Variants in LAPTM5 observed in about 807,000 individuals in gnomAD.
LAPTM5 encodes the protein lysosomal-associated transmembrane protein 5.
LAPTM5 carries 11 observed loss-of-function variants against 30.1 expected under a neutral mutation model. That is an observed-to-expected ratio of 0.37 (90% confidence interval 0.23 to 0.60). The LOEUF is 0.60. Among genes scored for constraint, LAPTM5 ranks in the 20% least tolerant of loss-of-function variants. LAPTM5 has a pLI of 0.71. For missense variants in LAPTM5, 324 were observed against 332.5 expected, an observed-to-expected ratio of 0.97 and a Z score of 0.20; for synonymous variants, 151 against 137.9, an observed-to-expected ratio of 1.10 and a Z score of -0.67.
In LAPTM5 at chr1:30,741,647, A is replaced by G. The variant is rs777435891; in HGVS notation, c.251T>C (p.Val84Ala). 1.4e-4 allele frequency: 221 copies of G among 1,601,376 alleles called. No homozygotes were observed. Among genetic ancestry groups the G allele is most frequent in the Non-Finnish European group, 1.7e-4 (200 of 1,173,922 alleles). ...GGGCTCCTGAGCCCTCACCTTGACT[A>G]CGCCGATCAGTAGGCTCAGGCTGAT... ...FIISLSLLIG[V>A]VKNREKYLLP... The change falls in exon 3 of 8, where the codon GTA (valine) becomes GCA (alanine). Residue 84 changes from valine to alanine, a missense_variant. Coordinates refer to ENST00000294507, the MANE Select transcript of LAPTM5 (RefSeq NM_006762.3).
intron 1 of LAPTM5, among the ~76,000 whole-genome samples, chr1:30,747,278 T>G (rs1360710898): frequency 6.6e-6 from 1 of 152,186 alleles, no homozygotes; most frequent in Non-Finnish European, 1.5e-5. Flanking sequence ...TTTCAGTCCC[T>G]TCAGGGAAAC....
At chr1:30,742,776 C>T (rs1325246040) in intron 1 of LAPTM5, among the ~76,000 whole-genome samples, 1 of 152,166 alleles carries the variant, frequency 6.6e-6, no homozygotes, top group Non-Finnish European at 1.5e-5. Context: ...CCTGGGCAAG[C>T]TACTTGACTT....
chr1:30,741,172 A>G (rs1256431963), intron 3 of LAPTM5, among the ~76,000 whole-genome samples: 1 of 152,162 alleles, frequency 6.6e-6, no homozygotes, highest in Non-Finnish European at 1.5e-5. Context: ...TCCAGGGCGT[A>G]GGTCCCCCTC....
In LAPTM5 at chr1:30,739,825, G is replaced by A; in HGVS notation, c.371C>T (p.Ala124Val). The change falls in exon 4 of 8, where the codon GCC becomes GTC. Residue 124 changes from alanine to valine, a missense_variant. Transcript: ENST00000294507. The surrounding 1 kb of genome is among the most constrained non-coding windows in gnomAD (Gnocchi z 4.2). The part of the protein sequence containing the change: ...YIELPAYLKL[A>V]SRSRASSSKF... ...GGTACTCACAGCACGGCTCCGGGAG[G>A]CCAACTTGAGGTAGGCGGGCAGCTC... 1 of 1,603,638 alleles carries A rather than the reference G, an allele frequency of 6.2e-7. No homozygotes were observed. Among genetic ancestry groups the A allele is most frequent in the Middle Eastern group, 1.7e-4 (1 of 6,008 alleles).
In LAPTM5 at chr1:30,746,773, G is replaced by A. The variant is rs1640052724; in HGVS notation, c.88-4224C>T. On this transcript the variant is annotated intron_variant, in intron 1 of 7. Coordinates refer to ENST00000294507, the MANE Select transcript of LAPTM5 (RefSeq NM_006762.3). This position sits in a 1 kb window ranked among gnomAD's most constrained non-coding sequence, Gnocchi z 4.0. ...CCTTGAGCCAGCCACTAACCTCTCTGGGCCTCGGCTCCTCATCTGAGGAAT... is the reference window on the plus strand; with the variant it reads ...CCTTGAGCCAGCCACTAACCTCTCTAGGCCTCGGCTCCTCATCTGAGGAAT... Among the ~76,000 whole-genome samples the A allele has an allele frequency of 6.6e-6, 1 of 152,174 alleles. No homozygotes were observed. Among genetic ancestry groups the A allele is most frequent in the Admixed American group, 6.5e-5 (1 of 15,280 alleles).
chr1:30,742,614 A>G lies in LAPTM5; in HGVS notation c.88-65T>C, dbSNP rs1639987928. 57 of 1,322,296 alleles carry G rather than the reference A, an allele frequency of 4.3e-5. 2 individuals are homozygous for G. The South Asian group carries it at 7.0e-4, about 16-fold the overall frequency. 81.9% of individuals were successfully genotyped at this position (1,322,296 alleles called of 1,614,324 possible). A position where few individuals can be genotyped will look rare whatever the true frequency, so the allele number is the denominator to read the frequency against. Reference sequence around the variant, plus strand: ...CACGGCCCCCCGACCAGCCCCTCCCACCTTAGTGGTGTACAGCAGGGAAGC... The same window carrying G: ...CACGGCCCCCCGACCAGCCCCTCCCGCCTTAGTGGTGTACAGCAGGGAAGC... On this transcript the variant is annotated intron_variant, in intron 1 of 7. Transcript: ENST00000294507.
At chr1:30,735,685 A>G (rs1284994644) in intron 6 of LAPTM5, among the ~76,000 whole-genome samples, 2 of 152,252 alleles carry the variant, frequency 1.3e-5, no homozygotes, top group Admixed American at 6.5e-5. Context: ...ACAAAACAGC[A>G]TGTGCAGTAT....
In LAPTM5 at chr1:30,741,650, C is replaced by T. The variant is rs1210975246; in HGVS notation, c.248G>A (p.Gly83Asp). ...CTCCTGAGCCCTCACCTTGACTACG[C>T]CGATCAGTAGGCTCAGGCTGATGAT... is the stretch of plus-strand genomic sequence containing the variant. The part of the protein sequence containing the change: ...LFIISLSLLI[G>D]VVKNREKYLL... The change falls in exon 3 of 8, where the codon GGC becomes GAC. Residue 83 changes from glycine (G) to aspartate (D), a missense_variant. By Grantham distance (94) the Gly-to-Asp change is moderately conservative. Coordinates refer to ENST00000294507, the MANE Select transcript of LAPTM5 (RefSeq NM_006762.3). 6.2e-7 allele frequency: 1 copy of T among 1,602,528 alleles called. No individual in the cohort carries two copies. Among genetic ancestry groups the T allele is most frequent in the African/African-American group, 1.3e-5 (1 of 74,812 alleles).
At chr1:30,755,315 C>A (rs74063217) in intron 1 of LAPTM5, among the ~76,000 whole-genome samples, 1 of 151,696 alleles carries the variant, frequency 6.6e-6, no homozygotes, top group Admixed American at 6.6e-5. Context: ...CTTCCTCTAA[C>A]GCACAATTCA....
At chr1:30,754,637 T>C (rs1228357780) in intron 1 of LAPTM5, among the ~76,000 whole-genome samples, 2 of 152,200 alleles carry the variant, frequency 1.3e-5, no homozygotes, top group Non-Finnish European at 2.9e-5. Context: ...AAAGAAAGTT[T>C]GCTGGGTTCC....
chr1:30,741,984 T>C, intron 2 of LAPTM5: 1 of 384,796 alleles, frequency 2.6e-6, no homozygotes, highest in South Asian at 3.0e-5. Context: ...GAGGAAGGCA[T>C]CCCTGGGGAG....
intron 1 of LAPTM5, among the ~76,000 whole-genome samples, chr1:30,743,717 G>A (rs1467271984): frequency 6.6e-6 from 1 of 151,090 alleles, no homozygotes; most frequent in African/African-American, 2.4e-5. Context: ...TTTCTAGGCA[G>A]CCCTGCACTG....
chr1:30,733,814 G>A lies in LAPTM5; in HGVS notation c.*14C>T. ...TCCACCCCTCCCAGCACTGGGGCTG[G>A]GGCCTGGCGAGGGTCACACCTCTGA... On this transcript the variant is annotated 3_prime_UTR_variant, in exon 8 of 8. Coordinates refer to ENST00000294507, the MANE Select transcript of LAPTM5 (RefSeq NM_006762.3). 2.5e-6 allele frequency: 4 copies of A among 1,599,788 alleles called. No individual in the cohort carries two copies. The highest frequency in any genetic ancestry group is 1.1e-5 in the South Asian group (1 of 89,572).
chr1:30,742,617 T>C, intron 1 of LAPTM5, 68 bp from the exon 2 acceptor site: 1 of 1,295,356 alleles, frequency 7.7e-7, no homozygotes, highest in East Asian at 2.4e-5. Flanking sequence ...CCCTCCCACC[T>C]TAGTGGTGTA....
intron 1 of LAPTM5, among the ~76,000 whole-genome samples, chr1:30,756,525 G>T (rs995697925): frequency 5.9e-5 from 9 of 152,222 alleles, no homozygotes; most frequent in African/African-American, 2.2e-4. Context: ...GCTCAGAGAG[G>T]TTAAGTAAAT....
At chr1:30,740,306 G>T (rs1017097348) in intron 3 of LAPTM5, among the ~76,000 whole-genome samples, 1 of 152,122 alleles carries the variant, frequency 6.6e-6, no homozygotes, top group African/African-American at 2.4e-5. Flanking sequence ...GCTAGATCGG[G>T]GAAGGAGACT....
At chr1:30,741,400 G>C (rs1026879011) in intron 3 of LAPTM5, among the ~76,000 whole-genome samples, 3 of 152,202 alleles carry the variant, frequency 2.0e-5, no homozygotes, top group Admixed American at 1.3e-4. Context: ...TCGGTGACCA[G>C]CATAGCCCAC....
intron 6 of LAPTM5, 66 bp from the exon 7 acceptor site, chr1:30,735,331 G>A: frequency 7.5e-7 from 1 of 1,334,708 alleles, no homozygotes; most frequent in Non-Finnish European, 1.1e-6. Flanking sequence ...GCAGGCCTAG[G>A]ACATATGCCA....
chr1:30,741,577 C>T, intron 3 of LAPTM5, 63 bp downstream of exon 3: 1 of 1,327,606 alleles, frequency 7.5e-7, no homozygotes, highest in East Asian at 2.6e-5. Context: ...CCAGCACTGC[C>T]CACCACCAGT....
Sources: gnomAD v4.1 joint callset for allele counts (sites outside exome capture counted in the v4.1 genomes callset) on GRCh38, gnomAD v4.1.1 for gene constraint, Gnocchi (gnomAD v3.1) non-coding constraint, MANE v1.5 for transcripts, NCBI Gene and HGNC (gene_info 2026-07-23, HGNC 2026-07-21) for gene names.